AUTS2: variants seen among roughly 807,000 people sequenced by gnomAD.
The protein encoded by AUTS2 is autism susceptibility gene 2 protein.
Under a neutral mutation model 112.4 loss-of-function variants are expected in AUTS2, and 17 were observed. That is an observed-to-expected ratio of 0.15 (90% CI 0.10 to 0.23). The LOEUF (loss-of-function observed/expected upper bound fraction) is 0.23, where lower values mean the gene tolerates loss of function less well. Among genes scored for constraint, AUTS2 ranks in the 10% least tolerant of loss-of-function variants. AUTS2 has a pLI of 1.00. For missense variants in AUTS2, 1,510 were observed against 1,701.6 expected (o/e 0.89, Z 1.98); for synonymous variants, 751 against 702.7 (o/e 1.07, Z -1.09).
At chr7:70,395,718 G>A (rs1189006399) in intron 4 of AUTS2, among the ~76,000 whole-genome samples, 1 of 152,138 alleles carries the variant, frequency 6.6e-6, no homozygotes, top group Non-Finnish European at 1.5e-5. Context: ...TAGTGACTTT[G>A]AAGATAAACA....
chr7:70,624,854 A>G (rs1349482445), intron 5 of AUTS2, among the ~76,000 whole-genome samples: 4 of 152,158 alleles, frequency 2.6e-5, no homozygotes, highest in Non-Finnish European at 2.9e-5. Context: ...TCATCACCAC[A>G]TTCATTAAAC....
intron 1 of AUTS2, among the ~76,000 whole-genome samples, chr7:69,876,482 GTGTA>G (rs1793789604): frequency 2.6e-5 from 1 of 37,956 alleles, no homozygotes; most frequent in Admixed American, 4.2e-4. Flanking sequence ...AAAATATTTT[GTGTA>G]TATATATATA....
chr7:70,205,476 TAAC>T (rs991353914), intron 4 of AUTS2, among the ~76,000 whole-genome samples: 4 of 152,188 alleles, frequency 2.6e-5, no homozygotes, highest in Admixed American at 2.6e-4. Context: ...TAAATTATAA[TAAC>T]ATATTTTTAC....
intron 1 of AUTS2, among the ~76,000 whole-genome samples, chr7:69,666,830 A>T (rs541740000): frequency 6.6e-6 from 1 of 152,264 alleles, no homozygotes; most frequent in Admixed American, 6.5e-5. Flanking sequence ...TGAGCCCAGC[A>T]TATTGAGGCT....
intron 5 of AUTS2, among the ~76,000 whole-genome samples, chr7:70,496,732 C>T (rs868317718): frequency 3.0e-4 from 41 of 134,874 alleles, no homozygotes; most frequent in East Asian, 1.0e-3. Flanking sequence ...CACATGCACA[C>T]GTCACATCAG....
At chr7:70,418,103 G>GTGTGTCTGTGTGTGTC in intron 4 of AUTS2, among the ~76,000 whole-genome samples, 1 of 149,120 alleles carries the variant, frequency 6.7e-6, no homozygotes, top group East Asian at 2.0e-4. Context: ...GTGTGTGTGT[G>GTGTGTCTGTGTGTGTC]TGTGTGTGTC....
At chr7:69,954,922 G>A (rs1482360907) in intron 2 of AUTS2, among the ~76,000 whole-genome samples, 1 of 152,078 alleles carries the variant, frequency 6.6e-6, no homozygotes, top group African/African-American at 2.4e-5. Flanking sequence ...TGGATTTTGG[G>A]GGTTGTCTGT....
chr7:70,574,096 TA>T (rs1802060161), intron 5 of AUTS2, among the ~76,000 whole-genome samples: 1 of 152,144 alleles, frequency 6.6e-6, no homozygotes, highest in Non-Finnish European at 1.5e-5. Flanking sequence ...TGCCAAGATC[TA>T]ATCCTGTTCC....
intron 2 of AUTS2, among the ~76,000 whole-genome samples, chr7:70,066,587 C>CTGGA (rs1321438823): frequency 1.4e-5 from 2 of 147,628 alleles, no homozygotes; most frequent in African/African-American, 5.0e-5. Flanking sequence ...GTCACCCAGG[C>CTGGA]TGGAGTGCAA....
chr7:70,454,397 C>T (rs540968721), intron 5 of AUTS2, among the ~76,000 whole-genome samples: 1 of 151,980 alleles, frequency 6.6e-6, no homozygotes, highest in South Asian at 2.1e-4. Context: ...ATTAGCTGGA[C>T]GTGGTGGCAG....
intron 18 of AUTS2, among the ~76,000 whole-genome samples, chr7:70,788,071 C>T (rs1282920853): frequency 3.9e-5 from 6 of 151,964 alleles, no homozygotes; most frequent in Admixed American, 3.9e-4. Flanking sequence ...TAGCGTTAAA[C>T]AGGGAATGTC....
intron 4 of AUTS2, among the ~76,000 whole-genome samples, chr7:70,144,312 T>G (rs991432323): frequency 2.6e-5 from 4 of 152,106 alleles, no homozygotes; most frequent in African/African-American, 9.7e-5. Context: ...CAAATTTAGT[T>G]CTCTTAGAAT....
Position 69,608,753 on chromosome 7 carries a change from C to A in AUTS2, c.309+8791C>A, listed in dbSNP as rs2129076281. 2.0e-5 allele frequency among the ~76,000 whole-genome samples: 3 copies of A among 152,294 alleles called. No individual in the cohort carries two copies. In the Middle Eastern group the frequency reaches 0.01, roughly 518 times the overall value. On this transcript the variant is annotated intron_variant, in intron 1 of 18. Coordinates refer to ENST00000342771, the MANE Select transcript of AUTS2 (RefSeq NM_015570.4). Reference sequence around the variant, plus strand: ...TGGCAAAGAGAATGAAGGTCCTGGACCGTGCTTTTCTAAGAAATGATTTTA... The same window carrying A: ...TGGCAAAGAGAATGAAGGTCCTGGAACGTGCTTTTCTAAGAAATGATTTTA...
At chr7:70,443,882 G>A (rs1388791860) in intron 5 of AUTS2, among the ~76,000 whole-genome samples, 1 of 152,326 alleles carries the variant, frequency 6.6e-6, no homozygotes, top group African/African-American at 2.4e-5. Flanking sequence ...TGGGGACTAG[G>A]TGGAGAGCTA....
chr7:69,661,653 G>A (rs866032682), intron 1 of AUTS2, among the ~76,000 whole-genome samples: 3 of 152,108 alleles, frequency 2.0e-5, no homozygotes, highest in Non-Finnish European at 2.9e-5. Context: ...TTAAAAAAAC[G>A]GACACTTTTG....
At chr7:70,747,631 G>GTTTTGTTTTTGTTTTTGT (rs530024962) in intron 6 of AUTS2, among the ~76,000 whole-genome samples, 13 of 151,570 alleles carry the variant, frequency 8.6e-5, no homozygotes, top group African/African-American at 3.2e-4. Context: ...GCTATGTTTT[G>GTTTTGTTTTTGTTTTTGT]TTTTGTTTTT....
At chr7:70,395,494 T>TG (rs1794039210) in intron 4 of AUTS2, among the ~76,000 whole-genome samples, 1 of 152,256 alleles carries the variant, frequency 6.6e-6, no homozygotes, top group Non-Finnish European at 1.5e-5. Context: ...TTATCATTAA[T>TG]AGCTCATCCA....
intron 1 of AUTS2, among the ~76,000 whole-genome samples, chr7:69,856,468 C>T (rs948784453): frequency 6.6e-6 from 1 of 152,128 alleles, no homozygotes; most frequent in East Asian, 1.9e-4. Context: ...CCTGCGGTCC[C>T]TCTCTGTATT....
chr7:69,849,697 A>G (rs1489127810), intron 1 of AUTS2, among the ~76,000 whole-genome samples: 1 of 152,096 alleles, frequency 6.6e-6, no homozygotes, highest in East Asian at 1.9e-4. Context: ...CATACAGTAC[A>G]TGGCTTTTTG....
Sources: gnomAD v4.1 joint callset for allele counts (sites outside exome capture counted in the v4.1 genomes callset) on GRCh38, gnomAD v4.1.1 for gene constraint, MANE v1.5 for transcripts, NCBI Gene and HGNC (gene_info 2026-07-23, HGNC 2026-07-21) for gene names.